SLIT3: variants seen among roughly 807,000 people sequenced by gnomAD.
SLIT3 encodes the protein slit guidance ligand 3, also known as slit homolog 3 protein.
A neutral mutation model predicts 184.0 loss-of-function variants in SLIT3; 68 were observed. The observed-to-expected ratio is 0.37, with a 90% confidence interval of 0.30 to 0.45. The LOEUF is 0.45. Among genes scored for constraint, SLIT3 ranks in the 20% least tolerant of loss-of-function variants. The pLI is 1.00. For synonymous variants in SLIT3, 831 were observed against 828.6 expected, an observed-to-expected ratio of 1.00 and a Z score of -0.05; for missense variants, 1,707 against 2,026.0, an observed-to-expected ratio of 0.84 and a Z score of 3.02.
rs771363757 is a variant in SLIT3 at position 168,733,755 on chromosome 5, C to A, written c.2271-9271G>T. Among the ~76,000 whole-genome samples the A allele has an allele frequency of 2.7e-5, 4 of 150,784 alleles. No homozygotes were observed. The South Asian group carries it at 8.4e-4, about 32-fold the overall frequency. On this transcript the variant is annotated intron_variant, in intron 20 of 35. Transcript: ENST00000519560. ...GCACATGTATACCTACATAACAAAC[C>A]TGTACATTCACACATCTATCCTGGA... is the stretch of plus-strand genomic sequence containing the variant.
chr5:169,065,361 A>G (rs774561887), intron 4 of SLIT3, among the ~76,000 whole-genome samples: 32 of 152,226 alleles, frequency 2.1e-4, no homozygotes, highest in Non-Finnish European at 4.6e-4. Flanking sequence ...ATTTGATGCC[A>G]AATGGTTAAT....
chr5:169,232,118 A>AAC (rs752032961), intron 3 of SLIT3, among the ~76,000 whole-genome samples: 1,819 of 152,308 alleles, frequency 0.012, 23 homozygotes, highest in Non-Finnish European at 0.015. Flanking sequence ...TTCTTTCAAT[A>AAC]ATGTATTTTG....
At chr5:168,953,563 C>G (rs1057389883) in intron 4 of SLIT3, among the ~76,000 whole-genome samples, 5 of 152,226 alleles carry the variant, frequency 3.3e-5, no homozygotes, top group Non-Finnish European at 7.3e-5. Context: ...CTAATGATAA[C>G]TATCTCACAA....
intron 4 of SLIT3, among the ~76,000 whole-genome samples, chr5:168,959,194 C>T (rs1762930587): frequency 6.6e-6 from 1 of 152,242 alleles, no homozygotes; most frequent in Non-Finnish European, 1.5e-5. Flanking sequence ...ACTTCAAAGC[C>T]TGGGTTTTAA....
At chr5:168,804,179 G>A (rs1756870214) in intron 9 of SLIT3, among the ~76,000 whole-genome samples, 1 of 151,714 alleles carries the variant, frequency 6.6e-6, no homozygotes, top group African/African-American at 2.4e-5. Flanking sequence ...TGTGGTGGCA[G>A]GCACCTATAA....
intron 4 of SLIT3, among the ~76,000 whole-genome samples, chr5:168,945,378 C>T (rs1289313272): frequency 1.3e-5 from 2 of 152,096 alleles, no homozygotes; most frequent in Non-Finnish European, 2.9e-5. Flanking sequence ...GCTGGGACTA[C>T]AGGCATGTGC....
intron 4 of SLIT3, among the ~76,000 whole-genome samples, chr5:169,058,819 A>G (rs1234112955): frequency 2.0e-5 from 3 of 152,230 alleles, no homozygotes; most frequent in Non-Finnish European, 4.4e-5. Flanking sequence ...GGCTGAGATC[A>G]GAAGAAAGAA....
intron 5 of SLIT3, among the ~76,000 whole-genome samples, chr5:168,850,143 A>G (rs1340623691): frequency 6.6e-6 from 1 of 152,246 alleles, no homozygotes; most frequent in African/African-American, 2.4e-5. Flanking sequence ...TATACTTCAT[A>G]TAACTGAGTA....
At chr5:168,853,892 C>CCTT (rs1166638443) in intron 5 of SLIT3, among the ~76,000 whole-genome samples, 1 of 152,204 alleles carries the variant, frequency 6.6e-6, no homozygotes, top group Non-Finnish European at 1.5e-5. Context: ...TTCATCAAGG[C>CCTT]CTTCCTCAAA....
intron 5 of SLIT3, among the ~76,000 whole-genome samples, chr5:168,854,056 A>G: frequency 6.6e-6 from 1 of 152,070 alleles, no homozygotes; most frequent in East Asian, 1.9e-4. Flanking sequence ...AGGTTCAGAG[A>G]GGTTGTTATG....
chr5:168,989,094 C>T (rs965674623), intron 4 of SLIT3, among the ~76,000 whole-genome samples: 1 of 152,192 alleles, frequency 6.6e-6, no homozygotes, highest in Non-Finnish European at 1.5e-5. Context: ...TAGAAAGCTA[C>T]ACCAAATACA....
chr5:168,795,431 G>T, intron 10 of SLIT3, 76 bp downstream of exon 10: 1 of 1,069,644 alleles, frequency 9.3e-7, no homozygotes, highest in Non-Finnish European at 1.5e-6. Context: ...CACCTGGACA[G>T]GTTGCCCACT....
intron 4 of SLIT3, among the ~76,000 whole-genome samples, chr5:169,097,755 T>C (rs1759842752): frequency 6.6e-6 from 1 of 152,168 alleles, no homozygotes; most frequent in Non-Finnish European, 1.5e-5. Flanking sequence ...TGGAGCTTGC[T>C]CTGTAGCCCC....
chr5:169,300,554 G>A lies in SLIT3; in HGVS notation c.156C>T (p.Leu52=), dbSNP rs370615573. The A allele has an allele frequency of 4.2e-5, 63 of 1,510,318 alleles. No homozygotes were observed. The highest frequency in any genetic ancestry group is 6.3e-5 in the Admixed American group (3 of 47,936). 93.6% of individuals were successfully genotyped at this position (1,510,318 alleles called of 1,614,324 possible). The change falls in exon 1 of 36, where the codon CTC becomes CTT. Residue 52 remains leucine (L), a synonymous_variant. Coordinates refer to ENST00000519560, the MANE Select transcript of SLIT3 (RefSeq NM_003062.4). The surrounding 1 kb of genome is among the most constrained non-coding windows in gnomAD (Gnocchi z 4.1). ...AASVDCHGLG[L]RAVPRGIPRN... ...GGGGGATGCCCCGAGGAACCGCGCG[G>A]AGGCCCAGCCCGTGGCAGTCCACGC...
chr5:169,153,853 G>C (rs541870930), intron 4 of SLIT3, among the ~76,000 whole-genome samples: 2 of 152,080 alleles, frequency 1.3e-5, no homozygotes, highest in Non-Finnish European at 2.9e-5. Context: ...GTCTTCCTTC[G>C]GCCAGACTCC....
At chr5:168,853,692 T>C (rs1489600873) in intron 5 of SLIT3, among the ~76,000 whole-genome samples, 1 of 152,228 alleles carries the variant, frequency 6.6e-6, no homozygotes, top group African/African-American at 2.4e-5. Context: ...AACTTGGCAT[T>C]GAACCCAGTT....
chr5:168,672,588 G>C, intron 33 of SLIT3, among the ~76,000 whole-genome samples: 1 of 152,040 alleles, frequency 6.6e-6, no homozygotes. Flanking sequence ...CAATCCCCCT[G>C]CCTCACCCTC....
intron 4 of SLIT3, among the ~76,000 whole-genome samples, chr5:169,102,049 C>T (rs1760040437): frequency 6.6e-6 from 1 of 152,328 alleles, no homozygotes; most frequent in East Asian, 1.9e-4. Context: ...GACCCCTGTC[C>T]TATTCACCTT....
chr5:168,736,006 G>A (rs1179878542), intron 20 of SLIT3, among the ~76,000 whole-genome samples: 4 of 152,130 alleles, frequency 2.6e-5, no homozygotes, highest in African/African-American at 9.7e-5. Flanking sequence ...CATAAAACAT[G>A]TTCTTTCTAC....
Sources: gnomAD v4.1 joint callset for allele counts (sites outside exome capture counted in the v4.1 genomes callset) on GRCh38, gnomAD v4.1.1 for gene constraint, Gnocchi (gnomAD v3.1) non-coding constraint, MANE v1.5 for transcripts, NCBI Gene and HGNC (gene_info 2026-07-23, HGNC 2026-07-21) for gene names.